DLGAP2: variants seen among roughly 807,000 people sequenced by gnomAD.
DLGAP2 encodes the protein DLG associated protein 2, also known as disks large-associated protein 2.
A neutral mutation model predicts 100.3 loss-of-function variants in DLGAP2; 26 were observed. That is an observed-to-expected ratio of 0.26 (90% CI 0.19 to 0.36). The LOEUF (loss-of-function observed/expected upper bound fraction) is 0.36, where lower values mean the gene tolerates loss of function less well. DLGAP2 is among the 10% of genes least tolerant of loss of function. The probability of loss-of-function intolerance (pLI) is 1.00; values close to 1 mark genes in which losing one functional copy is unlikely to be tolerated. For missense variants in DLGAP2, 1,858 were observed against 1,453.2 expected (o/e 1.28, Z -4.53); for synonymous variants, 886 against 630.1 (o/e 1.41, Z -6.08).
chr8:857,849 G>T (rs952781322), intron 1 of DLGAP2, among the ~76,000 whole-genome samples: 1 of 151,190 alleles, frequency 6.6e-6, no homozygotes, highest in Non-Finnish European at 1.5e-5. Context: ...GAAAACTTCT[G>T]TTCACACAAA....
At chr8:800,884 A>G (rs1359843110) in intron 1 of DLGAP2, among the ~76,000 whole-genome samples, 2 of 152,032 alleles carry the variant, frequency 1.3e-5, no homozygotes, top group Non-Finnish European at 2.9e-5. Flanking sequence ...TCCCCCAGCA[A>G]TCCCCGGCCG....
chr8:860,194 C>G (rs532916760), intron 1 of DLGAP2, among the ~76,000 whole-genome samples: 5 of 152,186 alleles, frequency 3.3e-5, no homozygotes, highest in Admixed American at 3.3e-4. Context: ...GCCTTACAGA[C>G]GGCCTTTCAG....
chr8:1,707,647 A>T lies in DLGAP2; in HGVS notation c.*6241A>T, dbSNP rs1255715831. On this transcript the variant is annotated 3_prime_UTR_variant, in exon 15 of 15. Transcript: ENST00000637795. ...TCCTCCCTGCAGAGAGAGACAACTC[A>T]TCCCCCGACCTTCCATACTACAGAC... is the stretch of plus-strand genomic sequence containing the variant. 2 of 152,054 alleles carry T rather than the reference A, an allele frequency of 1.3e-5. No homozygotes were observed. Among genetic ancestry groups the T allele is most frequent in the African/African-American group, 2.4e-5 (1 of 41,406 alleles). 9.4% of individuals were successfully genotyped at this position (152,054 alleles called of 1,614,324 possible). A position where few individuals can be genotyped will look rare whatever the true frequency, so the allele number is the denominator to read the frequency against.
intron 2 of DLGAP2, among the ~76,000 whole-genome samples, chr8:1,132,871 C>G (rs191310723): frequency 1.3e-5 from 2 of 152,334 alleles, no homozygotes; most frequent in African/African-American, 4.8e-5. Flanking sequence ...TCATTTGCAA[C>G]TGGTTAAAGA....
chr8:1,095,471 G>C (rs1164101042), intron 2 of DLGAP2, among the ~76,000 whole-genome samples: 1 of 152,132 alleles, frequency 6.6e-6, no homozygotes, highest in Non-Finnish European at 1.5e-5. Context: ...GTGAGCACAG[G>C]GGTTTTTGGG....
chr8:1,364,508 G>A (rs570436937), intron 3 of DLGAP2, among the ~76,000 whole-genome samples: 3 of 149,858 alleles, frequency 2.0e-5, no homozygotes, highest in African/African-American at 4.9e-5. Context: ...AGGGCGGGGG[G>A]GGTGCAGCGA....
intron 2 of DLGAP2, among the ~76,000 whole-genome samples, chr8:999,834 A>G (rs778284633): frequency 1.3e-5 from 2 of 151,898 alleles, no homozygotes; most frequent in African/African-American, 4.8e-5. Context: ...TTCTTTTTTC[A>G]TCTCTTTTAT....
chr8:1,467,365 C>A (rs1416561217), intron 3 of DLGAP2, among the ~76,000 whole-genome samples: 1 of 151,230 alleles, frequency 6.6e-6, no homozygotes, highest in Admixed American at 6.6e-5. Flanking sequence ...CCATTCACGG[C>A]CCCCCACAGC....
At chr8:1,108,676 G>C (rs1200766381) in intron 2 of DLGAP2, among the ~76,000 whole-genome samples, 2 of 144,222 alleles carry the variant, frequency 1.4e-5, no homozygotes, top group Non-Finnish European at 3.0e-5. Flanking sequence ...AGGTGTGCAC[G>C]GGTCTGTGAG....
At chr8:816,532 G>A (rs1051030013) in intron 1 of DLGAP2, among the ~76,000 whole-genome samples, 1 of 152,120 alleles carries the variant, frequency 6.6e-6, no homozygotes, top group Non-Finnish European at 1.5e-5. Flanking sequence ...TTTTGTTTAA[G>A]GAGGCTAAAA....
intron 2 of DLGAP2, among the ~76,000 whole-genome samples, chr8:1,017,757 C>T (rs964240919): frequency 1.3e-5 from 2 of 151,982 alleles, no homozygotes; most frequent in African/African-American, 2.4e-5. Flanking sequence ...AGGGGCCTGC[C>T]GTGGGCGGGT....
chr8:754,181 C>G (rs1383131475), intron 1 of DLGAP2: 1 of 152,290 alleles, frequency 6.6e-6, no homozygotes, highest in East Asian at 1.9e-4. Context: ...CCAGCCACAC[C>G]TGACAACCTT....
intron 1 of DLGAP2, among the ~76,000 whole-genome samples, chr8:906,218 C>T (rs1584879832): frequency 1.3e-5 from 2 of 152,324 alleles, no homozygotes; most frequent in Admixed American, 6.5e-5. Context: ...ACTAGGTCAG[C>T]GTTTCCACTC....
chr8:1,591,141 G>A (rs948085292), intron 6 of DLGAP2, among the ~76,000 whole-genome samples: 10 of 152,204 alleles, frequency 6.6e-5, no homozygotes, highest in African/African-American at 2.4e-4. Flanking sequence ...CCAGCCCTTA[G>A]CCCTGTCCAG....
chr8:949,941 C>T lies in DLGAP2; in HGVS notation c.73+41975C>T, dbSNP rs142269419. ...CAGGAAATGGGAGTCGTGGAAGATA[C>T]TTATCTGGGCCCAGCAGCTTTTAGT... On this transcript the variant is annotated intron_variant, in intron 2 of 14. Transcript: ENST00000637795. Among the ~76,000 whole-genome samples, 16 of 152,300 alleles carry T rather than the reference C, an allele frequency of 1.1e-4. 2 individuals carry two copies. In the East Asian group the frequency reaches 3.1e-3, roughly 29 times the overall value.
chr8:910,846 C>T (rs1322855869), intron 2 of DLGAP2, among the ~76,000 whole-genome samples: 1 of 151,984 alleles, frequency 6.6e-6, no homozygotes, highest in African/African-American at 2.4e-5. Flanking sequence ...GGTTAGCGGG[C>T]TATAAAAAGG....
intron 5 of DLGAP2, among the ~76,000 whole-genome samples, chr8:1,557,242 A>G (rs915402451): frequency 6.6e-6 from 1 of 152,148 alleles, no homozygotes; most frequent in African/African-American, 2.4e-5. Flanking sequence ...GAGCTTTAGA[A>G]CAAGACAGAC....
chr8:978,731 T>C (rs1800240232), intron 2 of DLGAP2, among the ~76,000 whole-genome samples: 1 of 152,042 alleles, frequency 6.6e-6, no homozygotes, highest in Non-Finnish European at 1.5e-5. Flanking sequence ...CACGCGGGCA[T>C]GTGTATATCA....
In DLGAP2 at chr8:1,464,460, G is replaced by C. The variant is rs1378048325; in HGVS notation, c.107-36906G>C. On this transcript the variant is annotated intron_variant, in intron 3 of 14. Transcript: ENST00000637795. ...TTCCAGCTGAGCTCCCAGGCAGTAA[G>C]TCACCATCCCCAAAGCCACCTTCCA... Among the ~76,000 whole-genome samples, 4 of 94,570 alleles carry C rather than the reference G, an allele frequency of 4.2e-5. No individual in the cohort carries two copies. In the Admixed American group the frequency reaches 4.9e-4, roughly 12 times the overall value. 62.0% of individuals were successfully genotyped at this position (94,570 alleles called of 152,430 possible).
Sources: allele counts gnomAD v4.1 joint callset (sites outside exome capture counted in the v4.1 genomes callset), GRCh38; gene constraint gnomAD v4.1.1; transcripts MANE v1.5; gene names NCBI Gene and HGNC (gene_info 2026-07-23, HGNC 2026-07-21).